TASOR2: variants seen among roughly 807,000 people sequenced by gnomAD.
TASOR2 encodes protein TASOR 2.
Under a neutral mutation model 199.5 loss-of-function variants are expected in TASOR2, and 84 were observed. The observed-to-expected ratio is 0.42, with a 90% confidence interval of 0.35 to 0.50. The LOEUF is 0.50. TASOR2 is among the 20% of genes least tolerant of loss of function. The pLI is 0.02. For missense variants in TASOR2, 2,796 were observed against 2,835.9 expected (o/e 0.99, Z 0.32); for synonymous variants, 1,103 against 1,046.6 (o/e 1.05, Z -1.04).
At chr10:5,736,115 A>AT (rs1049551057) in intron 12 of TASOR2, among the ~76,000 whole-genome samples, 16 of 151,900 alleles carry the variant, frequency 1.1e-4, no homozygotes, top group Admixed American at 3.9e-4. Flanking sequence ...ATTTTTTTGT[A>AT]TTTTTTTACA....
At chr10:5,717,527 G>A in intron 2 of TASOR2, 132 bp from the exon 4 acceptor site, 1 of 388,914 alleles carries the variant, frequency 2.6e-6, no homozygotes, top group Non-Finnish European at 4.5e-6. Context: ...TTTCACTGCT[G>A]CTGCCTTGTT....
intron 1 of TASOR2, among the ~76,000 whole-genome samples, chr10:5,686,396 T>C (rs1237155755): frequency 6.6e-6 from 1 of 152,208 alleles, no homozygotes; most frequent in African/African-American, 2.4e-5. Context: ...TCAGTAAAAA[T>C]AGATCAATAT....
chr10:5,709,653 A>T (rs1831661920), intron 1 of TASOR2: 1 of 1,230,936 alleles, frequency 8.1e-7, no homozygotes, highest in Non-Finnish European at 1.0e-6. Flanking sequence ...CAGGGTCCCT[A>T]TCAGAAAAGA....
At chr10:5,761,187 A>C in intron 18 of TASOR2, 103 bp from the exon 20 acceptor site, 1 of 913,870 alleles carries the variant, frequency 1.1e-6, no homozygotes, top group Non-Finnish European at 1.6e-6. Flanking sequence ...GTCAAGAAGA[A>C]AGGCAGAGGA....
intron 1 of TASOR2, among the ~76,000 whole-genome samples, chr10:5,696,719 A>G (rs1390605751): frequency 6.6e-6 from 1 of 152,168 alleles, no homozygotes; most frequent in Non-Finnish European, 1.5e-5. Flanking sequence ...CCTGCCATAG[A>G]ATGAAAGTCT....
At chr10:5,753,115 G>C (rs1460964450) in intron 15 of TASOR2, among the ~76,000 whole-genome samples, 1 of 152,106 alleles carries the variant, frequency 6.6e-6, no homozygotes. Context: ...GAAAGAAGTA[G>C]CATCATATTT....
At chr10:5,761,341 T>G (rs1489251692) in exon 19 of TASOR2, 1 of 1,614,002 alleles carries the variant, frequency 6.2e-7, no homozygotes, top group Admixed American at 1.7e-5. Context: ...CATTTCAGAG[T>G]GCAAATATCA....
At chr10:5,761,605 TCTG>T in intron 19 of TASOR2, 134 bp downstream of exon 20, 1 of 723,504 alleles carries the variant, frequency 1.4e-6, no homozygotes, top group Non-Finnish European at 2.3e-6. Flanking sequence ...ATCACCCAAA[TCTG>T]CTGAAGCTGA....
At chr10:5,712,712 T>C in intron 1 of TASOR2, 111 bp from the exon 2 acceptor site, 2 of 737,282 alleles carry the variant, frequency 2.7e-6, no homozygotes, top group South Asian at 1.5e-4. Context: ...AAATAATGCA[T>C]TTATGTTTAG....
At chr10:5,711,023 AT>A (rs1174956727) in intron 1 of TASOR2, among the ~76,000 whole-genome samples, 10 of 152,068 alleles carry the variant, frequency 6.6e-5, no homozygotes, top group Admixed American at 6.5e-4. Flanking sequence ...GAATATCCCT[AT>A]TTTTTAAAGC....
At chr10:5,757,391 G>A (rs1189233605) in intron 16 of TASOR2, 129 bp from the exon 18 acceptor site, 8 of 898,518 alleles carry the variant, frequency 8.9e-6, no homozygotes, top group Admixed American at 5.2e-5. Flanking sequence ...ATGACCAGTC[G>A]GTAATCCAGG....
intron 10 of TASOR2, among the ~76,000 whole-genome samples, chr10:5,728,594 AG>A (rs1369778757): frequency 6.6e-6 from 1 of 152,008 alleles, no homozygotes; most frequent in Non-Finnish European, 1.5e-5. Context: ...CTGGTGACAG[AG>A]GGAGATTCTG....
chr10:5,690,535 C>T lies in TASOR2; in HGVS notation c.-288+5360C>T, dbSNP rs188525912. On this transcript the variant is annotated intron_variant, in intron 1 of 20. Coordinates refer to ENST00000328090, the Ensembl canonical transcript of TASOR2. This position sits in a 1 kb window ranked among gnomAD's most constrained non-coding sequence, Gnocchi z 4.8. The stretch of plus-strand genomic sequence containing the variant: ...TGCCCAGGACATTTTGCGTGGGCTA[C>T]GTGTAGAGGTGGTGGCCATACATAG... 1.1e-3 allele frequency among the ~76,000 whole-genome samples: 160 copies of T among 152,272 alleles called. 1 individual carries two copies. The highest frequency in any genetic ancestry group is 3.6e-3 in the African/African-American group (149 of 41,548).
At chr10:5,749,998 G>A (rs1173842699) in exon 15 of TASOR2, 2 of 1,606,016 alleles carry the variant, frequency 1.2e-6, no homozygotes, top group African/African-American at 2.7e-5. Context: ...TGTCGAAACA[G>A]AAGACAAATC....
exon 21 of TASOR2, chr10:5,763,182 AT>A: frequency 1.4e-6 from 1 of 734,180 alleles, no homozygotes; most frequent in Non-Finnish European, 2.1e-6. Context: ...CATTTTTTAT[AT>A]TTTGCTGAAA....
At chr10:5,695,751 G>T (rs1306552898) in intron 1 of TASOR2, among the ~76,000 whole-genome samples, 3 of 152,188 alleles carry the variant, frequency 2.0e-5, no homozygotes, top group Admixed American at 6.5e-5. Flanking sequence ...CTAGAAAGGA[G>T]ATGGGCAAGT....
intron 2 of TASOR2, among the ~76,000 whole-genome samples, chr10:5,717,072 T>A (rs1832757881): frequency 6.7e-6 from 1 of 149,980 alleles, no homozygotes; most frequent in African/African-American, 2.4e-5. Flanking sequence ...GCTACAATCT[T>A]ACGATTTCAT....
Position 5,737,227 on chromosome 10 carries a change from A to G in TASOR2, c.1447+1681A>G, listed in dbSNP as rs1835740339. Among the ~76,000 whole-genome samples, 3 of 151,652 alleles carry G rather than the reference A, an allele frequency of 2.0e-5. No homozygotes were observed. Among genetic ancestry groups the G allele is most frequent in the South Asian group, 4.2e-4 (2 of 4,792 alleles). ...ATGCTCTGCCTGCCTCGGCCTCCCA[A>G]AGTGCTGGGATTACAGGTGTGAGCC... On this transcript the variant is annotated intron_variant, in intron 12 of 20. Coordinates refer to ENST00000328090, the Ensembl canonical transcript of TASOR2. This position sits in a 1 kb window ranked among gnomAD's most constrained non-coding sequence, Gnocchi z 4.9.
At chr10:5,716,867 A>G (rs750294338) in intron 2 of TASOR2, among the ~76,000 whole-genome samples, 3 of 151,290 alleles carry the variant, frequency 2.0e-5, no homozygotes, top group Non-Finnish European at 2.9e-5. Flanking sequence ...GTGAGCCGAG[A>G]TCAACAGAGC....
Sources: gnomAD v4.1 joint callset for allele counts (sites outside exome capture counted in the v4.1 genomes callset) on GRCh38, gnomAD v4.1.1 for gene constraint, Gnocchi (gnomAD v3.1) non-coding constraint, MANE v1.5 for transcripts, NCBI Gene and HGNC (gene_info 2026-07-23, HGNC 2026-07-21) for gene names.